Variants in CUZD1 observed in about 807,000 individuals in gnomAD.
CUZD1 encodes the protein CUB and zona pellucida-like domain-containing protein 1.
Under a neutral mutation model 53.1 loss-of-function variants are expected in CUZD1, and 42 were observed. That is an observed-to-expected ratio of 0.79 (90% CI 0.62 to 1.02). The LOEUF is 1.02. Ranked by LOEUF, CUZD1 falls within the 50% of genes least tolerant of loss-of-function variation. The pLI, the probability that CUZD1 is intolerant of heterozygous loss-of-function variation, is 0.00. For missense variants in CUZD1, 670 were observed against 715.7 expected, an observed-to-expected ratio of 0.94 and a Z score of 0.73; for synonymous variants, 238 against 257.2, an observed-to-expected ratio of 0.93 and a Z score of 0.71.
At chr10:122,833,253 C>CT (rs961208904) in intron 8 of CUZD1, among the ~76,000 whole-genome samples, 4 of 150,774 alleles carry the variant, frequency 2.7e-5, no homozygotes, top group East Asian at 3.9e-4. Flanking sequence ...GATTCTTTGT[C>CT]TTTTTTTTTA....
intron 4 of CUZD1, 151 bp from the exon 5 acceptor site, chr10:122,837,199 T>C (rs545852090): frequency 1.9e-5 from 16 of 830,970 alleles, no homozygotes; most frequent in African/African-American, 1.2e-4. Context: ...GGGGTTTTGA[T>C]AGTCTCTGAC....
intron 1 of CUZD1, 48 bp downstream of exon 1, chr10:122,845,713 GA>G: frequency 6.4e-7 from 1 of 1,560,402 alleles, no homozygotes. Flanking sequence ...GGCCTCTTAA[GA>G]GAAGAACTTC....
intron 2 of CUZD1, among the ~76,000 whole-genome samples, chr10:122,839,565 T>G (rs931351285): frequency 6.6e-6 from 1 of 152,224 alleles, no homozygotes; most frequent in Non-Finnish European, 1.5e-5. Context: ...CCTTCTTATT[T>G]AGAATTGTTT....
At chr10:122,838,608 T>G (rs561708179) in intron 3 of CUZD1, among the ~76,000 whole-genome samples, 1 of 152,108 alleles carries the variant, frequency 6.6e-6, no homozygotes, top group Non-Finnish European at 1.5e-5. Flanking sequence ...AATCAGAGCA[T>G]AGGGAGGTGC....
intron 1 of CUZD1, among the ~76,000 whole-genome samples, chr10:122,844,242 T>C (rs948303327): frequency 1.3e-5 from 2 of 151,890 alleles, no homozygotes; most frequent in African/African-American, 4.8e-5. Flanking sequence ...CACTACGTCG[T>C]TCAGGGTGGT....
At chr10:122,842,218 T>C (rs1172776323) in intron 1 of CUZD1, among the ~76,000 whole-genome samples, 2 of 152,220 alleles carry the variant, frequency 1.3e-5, no homozygotes, top group Admixed American at 1.3e-4. Context: ...CAAAGATTTC[T>C]CCCATGTTTT....
intron 3 of CUZD1, chr10:122,837,915 C>A (rs1379131249): frequency 5.8e-6 from 1 of 172,494 alleles, no homozygotes; most frequent in African/African-American, 2.4e-5. Flanking sequence ...TCATCCGCCA[C>A]TACTTCATGG....
At chr10:122,837,998 C>A in intron 3 of CUZD1, 1 of 155,094 alleles carries the variant, frequency 6.4e-6, no homozygotes, top group Admixed American at 6.4e-5. Flanking sequence ...GTCCTCTTCC[C>A]TGACTCCCAC....
chr10:122,836,496 G>A, intron 5 of CUZD1, 146 bp from the exon 6 acceptor site: 2 of 698,886 alleles, frequency 2.9e-6, no homozygotes, highest in Non-Finnish European at 4.5e-6. Flanking sequence ...AGATAGCCAA[G>A]CAATTGATTC....
At chr10:122,841,028 T>C (rs1847333059) in intron 2 of CUZD1, 150 bp downstream of exon 2, 3 of 737,216 alleles carry the variant, frequency 4.1e-6, no homozygotes, top group South Asian at 2.1e-5. Context: ...CTATCAGCCA[T>C]CATCCTCATC....
chr10:122,835,166 T>C (rs1267282416), intron 6 of CUZD1, 69 bp from the exon 7 acceptor site: 14 of 1,261,710 alleles, frequency 1.1e-5, no homozygotes, highest in Non-Finnish European at 1.4e-5. Context: ...TAGATGTGGA[T>C]AACATTTGCA....
rs138479743 is a variant in CUZD1, at chr10:122,834,960, T to C, written c.1128A>G (p.Ile376Met). The change falls in exon 7 of 9, where the codon ATA (isoleucine) becomes ATG (methionine). Residue 376 changes from isoleucine to methionine, a missense_variant. Physicochemically the swap from Ile to Met is conservative, Grantham distance 10 (BLOSUM62 1). Transcript: ENST00000392790. ...GTATTACATCATCTTCTGTTATGTA[T>C]ATTATCTCCACTGTAGAATTATGTC... Reference protein sequence around the residue: ...EMGHNSTVEIIYITEDDVIQS... With the variant: ...EMGHNSTVEIMYITEDDVIQS... The C allele has an allele frequency of 9.9e-6, 16 of 1,613,792 alleles. No individual in the cohort carries two copies. Among genetic ancestry groups the C allele is most frequent in the African/African-American group, 1.3e-5 (1 of 74,928 alleles).
chr10:122,839,603 T>C (rs1174813459), intron 2 of CUZD1, among the ~76,000 whole-genome samples: 1 of 152,216 alleles, frequency 6.6e-6, no homozygotes, highest in Non-Finnish European at 1.5e-5. Flanking sequence ...TCCAAGGCTG[T>C]TGAAAGGTGA....
chr10:122,836,426 G>T, intron 5 of CUZD1, 76 bp from the exon 6 acceptor site: 1 of 1,263,398 alleles, frequency 7.9e-7, no homozygotes, highest in Non-Finnish European at 1.1e-6. Flanking sequence ...AGAGCTACGT[G>T]TGCAAGTAAA....
chr10:122,836,216 A>G lies in CUZD1; in HGVS notation c.952T>C (p.Phe318Leu), dbSNP rs1847247774. The G allele has an allele frequency of 6.2e-7, 1 of 1,610,292 alleles. No homozygotes were observed. Among genetic ancestry groups the G allele is most frequent in the Non-Finnish European group, 8.5e-7 (1 of 1,178,984 alleles). Residue 318 changes from phenylalanine to leucine, a missense_variant, in exon 6 of 9, where the codon TTT (phenylalanine) becomes CTT (leucine). Phe to Leu is a conservative substitution (Grantham distance 22, BLOSUM62 0). Coordinates refer to ENST00000392790, the MANE Select transcript of CUZD1 (RefSeq NM_022034.6). ...CRPKLSNVVEFSVPLNGCGTI... is the reference protein window; with the variant it reads ...CRPKLSNVVELSVPLNGCGTI... ...CCACATCCATTAAGAGGGACAGAAA[A>G]TTCCACAACATTTGATAATTTTGGT...
intron 1 of CUZD1, among the ~76,000 whole-genome samples, chr10:122,843,831 A>ATATATATATATATC (rs1346707077): frequency 6.8e-6 from 1 of 146,894 alleles, no homozygotes; most frequent in African/African-American, 2.5e-5. Context: ...ATATATATAT[A>ATATATATATATATC]TGTCCACACA....
chr10:122,838,988 G>C, intron 3 of CUZD1, 29 bp downstream of exon 3: 1 of 1,529,726 alleles, frequency 6.5e-7, no homozygotes, highest in Non-Finnish European at 9.1e-7. Context: ...TAGGAGATGT[G>C]GGTGAAGGTT....
In CUZD1 at chr10:122,832,182, G is replaced by A. The variant is rs1374677942; in HGVS notation, c.*96C>T. On this transcript the variant is annotated 3_prime_UTR_variant, in exon 9 of 9. Transcript: ENST00000392790. ...ATGCAGGCCTGTGTGTCACTTTCAG[G>A]CCCTTCCTCATTTATTCATAATATG... 3 of 1,254,054 alleles carry A rather than the reference G, an allele frequency of 2.4e-6. No individual in the cohort carries two copies. Among genetic ancestry groups the A allele is most frequent in the Admixed American group, 3.8e-5 (2 of 52,982 alleles). 77.7% of individuals were successfully genotyped at this position (1,254,054 alleles called of 1,614,324 possible).
Position 122,838,883 on chromosome 10 carries a change from AACT to A in CUZD1, c.448+131_448+133del, listed in dbSNP as rs1351668619. The A allele has an allele frequency of 4.5e-6, 3 of 668,740 alleles. No homozygotes were observed. The East Asian group carries it at 8.0e-5, about 18-fold the overall frequency. The allele number at this position is 668,740 out of a possible 1,614,324, so 41.4% of individuals were successfully genotyped here. A position where few individuals can be genotyped will look rare whatever the true frequency, so the allele number is the denominator to read the frequency against. ...ATTCTTATGCACATGTAAGTTAGAGAACTACTGCTCTCTCAGATAGAGAAGACT... is the reference window on the plus strand; with the variant it reads ...ATTCTTATGCACATGTAAGTTAGAGAACTGCTCTCTCAGATAGAGAAGACT... On this transcript the variant is annotated intron_variant, in intron 3 of 8. Coordinates refer to ENST00000392790, the MANE Select transcript of CUZD1 (RefSeq NM_022034.6).
Sources: allele counts gnomAD v4.1 joint callset (sites outside exome capture counted in the v4.1 genomes callset), GRCh38; gene constraint gnomAD v4.1.1; transcripts MANE v1.5; gene names NCBI Gene and HGNC (gene_info 2026-07-23, HGNC 2026-07-21).